CSNK1A1: variants seen among roughly 807,000 people sequenced by gnomAD.
CSNK1A1 encodes the protein casein kinase 1 alpha 1, also known as casein kinase I isoform alpha.
Under a neutral mutation model 46.1 loss-of-function variants are expected in CSNK1A1, and 7 were observed. The observed-to-expected ratio is 0.15, with a 90% CI of 0.09 to 0.29. CSNK1A1 has a LOEUF of 0.29. CSNK1A1 is among the 10% of genes least tolerant of loss of function. The pLI is 1.00. For synonymous variants in CSNK1A1, 137 were observed against 141.5 expected, an observed-to-expected ratio of 0.97 and a Z score of 0.23; for missense variants, 96 against 417.1, an observed-to-expected ratio of 0.23 and a Z score of 6.71.
chr5:149,497,815 A>C (rs1158701553), intron 9 of CSNK1A1: 27 of 985,150 alleles, frequency 2.7e-5, no homozygotes, highest in Non-Finnish European at 3.3e-5. Context: ...TCAATCATAA[A>C]CTGCTCCTTT....
At chr5:149,540,241 A>C (rs1323615824) in intron 2 of CSNK1A1, among the ~76,000 whole-genome samples, 1 of 152,208 alleles carries the variant, frequency 6.6e-6, no homozygotes, top group African/African-American at 2.4e-5. Flanking sequence ...TCAAATCTAG[A>C]TGGCATCACA....
At chr5:149,504,342 G>C in intron 9 of CSNK1A1, 1 of 978,622 alleles carries the variant, frequency 1.0e-6, no homozygotes, top group Non-Finnish European at 1.2e-6. Flanking sequence ...CTTCAGATTA[G>C]AATCTATTTT....
At chr5:149,528,571 C>T (rs533634849) in intron 2 of CSNK1A1, among the ~76,000 whole-genome samples, 9 of 152,290 alleles carry the variant, frequency 5.9e-5, no homozygotes, top group African/African-American at 2.2e-4. Flanking sequence ...TTAGTTTCTA[C>T]CTTCACCTCC....
At position 149,492,992 on chromosome 5, in the gene CSNK1A1, A is replaced by G. The variant is rs1760563945; in HGVS notation, c.*3861T>C. ...TTATTCAGTGAGTTGTAACGTTGCT[A>G]CCAGTTTATTTTGATAATTGACACA... On this transcript the variant is annotated 3_prime_UTR_variant, in exon 10 of 10. Coordinates refer to ENST00000377843, the MANE Select transcript of CSNK1A1 (RefSeq NM_001892.6). The G allele has an allele frequency of 6.6e-6, 1 of 152,236 alleles. No individual in the cohort carries two copies. The highest frequency in any genetic ancestry group is 2.1e-4 in the South Asian group (1 of 4,836). The allele number at this position is 152,236 out of a possible 1,614,324, so 9.4% of individuals were successfully genotyped here.
chr5:149,534,840 C>T (rs1463565264), intron 2 of CSNK1A1, among the ~76,000 whole-genome samples: 1 of 147,308 alleles, frequency 6.8e-6, no homozygotes, highest in Non-Finnish European at 1.5e-5. Flanking sequence ...AGGAGGATCA[C>T]TTGAGCCTCG....
At chr5:149,510,041 A>G in intron 6 of CSNK1A1, 88 bp from the exon 7 acceptor site, 1 of 780,036 alleles carries the variant, frequency 1.3e-6, no homozygotes, top group East Asian at 3.1e-5. Context: ...ATAAACATAT[A>G]CCTGTGAGAT....
chr5:149,520,520 C>T (rs1158659557), intron 3 of CSNK1A1, 132 bp from the exon 4 acceptor site: 2 of 583,710 alleles, frequency 3.4e-6, no homozygotes, highest in African/African-American at 3.8e-5. Flanking sequence ...ATGGAAAGGA[C>T]AACTAAGTTC....
chr5:149,505,384 TG>T (rs1760991022), intron 9 of CSNK1A1, 62 bp downstream of exon 9: 3 of 1,565,998 alleles, frequency 1.9e-6, no homozygotes, highest in Admixed American at 3.6e-5. Context: ...CTGTTAGAAA[TG>T]AATTACCCAA....
chr5:149,550,272 C>A lies in CSNK1A1; in HGVS notation c.124-91G>T. ...GGGAGACATTAGCAAAACTCCAAGT[C>A]GCGACTACAAGAAGAAGTGAAAAGC... On this transcript the variant is annotated intron_variant, in intron 1 of 9. Transcript: ENST00000377843. This position sits in a 1 kb window ranked among gnomAD's most constrained non-coding sequence, Gnocchi z 4.3. 6.6e-7 allele frequency: 1 copy of A among 1,508,558 alleles called. No individual in the cohort carries two copies. The highest frequency in any genetic ancestry group is 1.3e-5 in the South Asian group (1 of 77,618). 93.4% of individuals were successfully genotyped at this position (1,508,558 alleles called of 1,614,324 possible). A position where few individuals can be genotyped will look rare whatever the true frequency, so the allele number is the denominator to read the frequency against.
intron 9 of CSNK1A1, chr5:149,504,972 C>T (rs141373135): frequency 0.019 from 18,918 of 985,556 alleles, 188 homozygotes; most frequent in Middle Eastern, 0.021. Context: ...TCACAATTTT[C>T]CATTTTAAAT....
At chr5:149,534,793 T>G (rs1188603575) in intron 2 of CSNK1A1, among the ~76,000 whole-genome samples, 2 of 151,072 alleles carry the variant, frequency 1.3e-5, no homozygotes, top group East Asian at 2.0e-4. Flanking sequence ...TAGCCAGGCG[T>G]GGTGGCATGC....
chr5:149,549,962 C>G, intron 2 of CSNK1A1, 113 bp downstream of exon 2: 1 of 1,276,070 alleles, frequency 7.8e-7, no homozygotes. Flanking sequence ...TATAGGGAAC[C>G]CAGGTAACTA....
At chr5:149,518,168 G>A (rs1215895919) in intron 4 of CSNK1A1, among the ~76,000 whole-genome samples, 1 of 152,094 alleles carries the variant, frequency 6.6e-6, no homozygotes, top group African/African-American at 2.4e-5. Flanking sequence ...AATCAAAAAT[G>A]GGGAATTTAG....
intron 4 of CSNK1A1, among the ~76,000 whole-genome samples, chr5:149,515,651 CTAT>C (rs1246898581): frequency 6.6e-6 from 1 of 152,170 alleles, no homozygotes; most frequent in Non-Finnish European, 1.5e-5. Flanking sequence ...GGAAATAAAA[CTAT>C]TGGTGGTTCA....
intron 9 of CSNK1A1, chr5:149,498,819 T>C: frequency 4.1e-6 from 4 of 985,440 alleles, no homozygotes; most frequent in Non-Finnish European, 4.8e-6. Flanking sequence ...AATGGAAACA[T>C]GCTACATTGT....
chr5:149,516,956 T>C (rs1761423594), intron 4 of CSNK1A1, among the ~76,000 whole-genome samples: 1 of 152,206 alleles, frequency 6.6e-6, no homozygotes, highest in Non-Finnish European at 1.5e-5. Flanking sequence ...CTTCACTGTA[T>C]ACTAAACTGA....
rs1762656147 is a variant in CSNK1A1, at chr5:149,551,431, C to A, written c.-467G>T. On this transcript the variant is annotated 5_prime_UTR_variant, in exon 1 of 10. Transcript: ENST00000377843. ...GGAGCCGCTTCTTCACGGCGCAGAG[C>A]ACTCTGGGAAAGGGATCTCGGGCGC... The A allele has an allele frequency of 6.2e-6, 1 of 160,214 alleles. No individual in the cohort carries two copies. Among genetic ancestry groups the A allele is most frequent in the Non-Finnish European group, 1.4e-5 (1 of 72,490 alleles). The allele number at this position is 160,214 out of a possible 1,614,324, so 9.9% of individuals were successfully genotyped here. A position where few individuals can be genotyped will look rare whatever the true frequency, so the allele number is the denominator to read the frequency against.
chr5:149,538,060 T>C (rs1762116668), intron 2 of CSNK1A1, among the ~76,000 whole-genome samples: 1 of 148,110 alleles, frequency 6.8e-6, no homozygotes, highest in African/African-American at 2.5e-5. Context: ...TTCGCTCTTG[T>C]TGCCCGGGCT....
Position 149,550,187 on chromosome 5 carries a change from G to A in CSNK1A1, c.124-6C>T, listed in dbSNP as rs776234823. 6.2e-7 allele frequency: 1 copy of A among 1,613,048 alleles called. No individual in the cohort carries two copies. The highest frequency in any genetic ancestry group is 1.1e-5 in the South Asian group (1 of 91,006). On this transcript the variant is annotated splice_polypyrimidine_tract_variant and splice_region_variant and intron_variant, in intron 1 of 9. Coordinates refer to ENST00000377843, the MANE Select transcript of CSNK1A1 (RefSeq NM_001892.6). The surrounding 1 kb of genome is among the most constrained non-coding windows in gnomAD (Gnocchi z 4.3). ...TCTAGCTTCACTGCCACTTCCTGCA[G>A]GGGAAAGAGGGGATGATGGCATCAA...
Sources: allele counts gnomAD v4.1 joint callset (sites outside exome capture counted in the v4.1 genomes callset), GRCh38; gene constraint gnomAD v4.1.1; non-coding constraint Gnocchi (gnomAD v3.1); transcripts MANE v1.5; gene names NCBI Gene and HGNC (gene_info 2026-07-23, HGNC 2026-07-21).